HDHD2: variants seen among roughly 807,000 people sequenced by gnomAD.
HDHD2 encodes the protein haloacid dehalogenase like hydrolase domain containing 2.
In HDHD2, 26 loss-of-function variants were observed where a neutral mutation model predicts 24.8. The ratio of observed to expected loss-of-function variants is 1.05; its 90% CI spans 0.77 to 1.45. HDHD2 has a LOEUF of 1.45. Ranked by LOEUF, HDHD2 falls within the 40% of genes most tolerant of loss-of-function variation. The pLI is 0.00. For missense variants in HDHD2, 299 were observed against 313.4 expected (o/e 0.95, Z 0.35); for synonymous variants, 128 against 114.9 (o/e 1.11, Z -0.73).
intron 1 of HDHD2, chr18:47,137,242 T>A: frequency 1.7e-6 from 1 of 587,126 alleles, no homozygotes; most frequent in Non-Finnish European, 3.2e-6. Context: ...TACCTGCACA[T>A]TTGGAAATGG....
intron 4 of HDHD2, among the ~76,000 whole-genome samples, chr18:47,118,811 G>T (rs537050611): frequency 2.0e-5 from 3 of 151,636 alleles, no homozygotes; most frequent in African/African-American, 7.3e-5. Context: ...TTTTACAGAT[G>T]AGATCATCTG....
Position 47,130,304 on chromosome 18 carries a change from G to C in HDHD2, c.335C>G (p.Ala112Gly), listed in dbSNP as rs143862755. 6.2e-7 allele frequency: 1 copy of C among 1,602,302 alleles called. No homozygotes were observed. Among genetic ancestry groups the C allele is most frequent in the Admixed American group, 1.7e-5 (1 of 58,448 alleles). The change falls in exon 4 of 7, where the codon GCT (alanine) becomes GGT (glycine). Residue 112 changes from alanine to glycine, a missense_variant. Transcript: ENST00000300605. ...FKGIQTSDPN[A>G]VVMGLAPEHF... ...TTCTGGTGCCAATCCCATGACCACA[G>C]CATTAGGATCACTTGTTTGTATTCC...
rs773382880 is a variant in HDHD2, at chr18:47,136,464, A to C, written c.-10-15T>G. ...TCCTTCATTCCCTAGGAGAGAGCAAATGAAATTAAAAATACAGTTTAGGAA... is the reference window on the plus strand; with the variant it reads ...TCCTTCATTCCCTAGGAGAGAGCAACTGAAATTAAAAATACAGTTTAGGAA... On this transcript the variant is annotated splice_polypyrimidine_tract_variant and intron_variant, in intron 1 of 6. Coordinates refer to ENST00000300605, the MANE Select transcript of HDHD2 (RefSeq NM_032124.5). 1.2e-6 allele frequency: 2 copies of C among 1,605,498 alleles called. No homozygotes were observed. The highest frequency in any genetic ancestry group is 1.1e-5 in the South Asian group (1 of 89,982).
intron 6 of HDHD2, chr18:47,108,991 C>T: frequency 1.9e-6 from 1 of 532,726 alleles, no homozygotes; most frequent in South Asian, 2.7e-5. Context: ...TTTCCCCAGG[C>T]CCTCTGGTCA....
intron 1 of HDHD2, among the ~76,000 whole-genome samples, chr18:47,146,896 C>A (rs75051592): frequency 1.3e-5 from 2 of 152,064 alleles, no homozygotes; most frequent in Admixed American, 6.5e-5. Context: ...CCAAGAGGAG[C>A]GCAAAGGGAG....
chr18:47,132,559 T>C (rs2144346331), intron 3 of HDHD2, among the ~76,000 whole-genome samples: 1 of 152,374 alleles, frequency 6.6e-6, no homozygotes, highest in East Asian at 1.9e-4. Context: ...ATGCTTTTAG[T>C]AAATTTATTT....
chr18:47,129,124 A>G (rs1427460979), intron 4 of HDHD2, among the ~76,000 whole-genome samples: 3 of 152,186 alleles, frequency 2.0e-5, no homozygotes, highest in Non-Finnish European at 2.9e-5. Flanking sequence ...ATCCAAAGGT[A>G]AATTATACTG....
At chr18:47,139,867 A>G (rs754693764) in intron 1 of HDHD2, among the ~76,000 whole-genome samples, 15 of 152,172 alleles carry the variant, frequency 9.9e-5, no homozygotes, top group Non-Finnish European at 1.5e-4. Flanking sequence ...AGCAGATGAA[A>G]AACAGTTTGA....
In HDHD2 at chr18:47,110,853, G is replaced by A. The variant is rs977090997; in HGVS notation, c.677-2068C>T. The A allele has an allele frequency of 6.1e-6, 6 of 985,048 alleles. No individual in the cohort carries two copies. The South Asian group carries it at 2.8e-4, about 46-fold the overall frequency. 61.0% of individuals were successfully genotyped at this position (985,048 alleles called of 1,614,324 possible). A position where few individuals can be genotyped will look rare whatever the true frequency, so the allele number is the denominator to read the frequency against. On this transcript the variant is annotated intron_variant, in intron 6 of 6. Coordinates refer to ENST00000300605, the MANE Select transcript of HDHD2 (RefSeq NM_032124.5). ...TCACATGCTAAACAAATTCTGGTTA[G>A]GACTAGTCAAAAATCTTTAACAAAT...
intron 4 of HDHD2, among the ~76,000 whole-genome samples, chr18:47,125,177 C>CA (rs1009824130): frequency 1.2e-4 from 18 of 149,916 alleles, no homozygotes; most frequent in South Asian, 8.5e-4. Context: ...AAAATAACAA[C>CA]AAAAAAAAAC....
At chr18:47,110,062 C>T in intron 6 of HDHD2, 1 of 985,430 alleles carries the variant, frequency 1.0e-6, no homozygotes, top group Non-Finnish European at 1.2e-6. Context: ...GCTCTCTCAT[C>T]CCTTTGTGGT....
chr18:47,123,286 T>C lies in HDHD2; in HGVS notation c.395+6958A>G, dbSNP rs1363830494. 2.0e-5 allele frequency among the ~76,000 whole-genome samples: 3 copies of C among 152,136 alleles called. No homozygotes were observed. In the East Asian group the frequency reaches 5.8e-4, roughly 29 times the overall value. On this transcript the variant is annotated intron_variant, in intron 4 of 6. Transcript: ENST00000300605. Reference sequence around the variant, plus strand: ...TGTATTAGCAATAAGCAAATAAATATGAAATTTAGCAAAATACAAGGCCGG... The same window carrying C: ...TGTATTAGCAATAAGCAAATAAATACGAAATTTAGCAAAATACAAGGCCGG...
intron 1 of HDHD2, among the ~76,000 whole-genome samples, chr18:47,139,180 C>G (rs1012824699): frequency 6.6e-6 from 1 of 151,936 alleles, no homozygotes. Flanking sequence ...CTTTGTTGGC[C>G]GGGCACGGTG....
intron 3 of HDHD2, among the ~76,000 whole-genome samples, chr18:47,133,711 T>A (rs536660158): frequency 6.6e-6 from 1 of 152,270 alleles, no homozygotes; most frequent in African/African-American, 2.4e-5. Flanking sequence ...GGTTTTGATT[T>A]GCATTTCTCT....
At chr18:47,132,020 A>C (rs1031374036) in intron 3 of HDHD2, among the ~76,000 whole-genome samples, 5 of 152,196 alleles carry the variant, frequency 3.3e-5, no homozygotes, top group African/African-American at 1.2e-4. Flanking sequence ...AAAATTATGT[A>C]ATGGGGACTT....
At chr18:47,149,689 T>G (rs984118503) in intron 1 of HDHD2, among the ~76,000 whole-genome samples, 2 of 152,164 alleles carry the variant, frequency 1.3e-5, no homozygotes, top group African/African-American at 4.8e-5. Flanking sequence ...CAGTCTCTGA[T>G]AACCATCACT....
intron 6 of HDHD2, chr18:47,109,861 CAG>C (rs1168754594): frequency 7.5e-6 from 3 of 397,786 alleles, no homozygotes; most frequent in African/African-American, 4.4e-5. Flanking sequence ...TTATTTGAGA[CAG>C]GGGCTATATC....
At position 47,110,968 on chromosome 18, in the gene HDHD2, G is replaced by A. The variant is rs375373571; in HGVS notation, c.676+2009C>T. ...TGATCCACAGAAAGCACTTATTATT[G>A]AATATGAATTAAAATATTTACGGTT... On this transcript the variant is annotated intron_variant, in intron 6 of 6. Transcript: ENST00000300605. 46 of 985,120 alleles carry A rather than the reference G, an allele frequency of 4.7e-5. No individual in the cohort carries two copies. In the African/African-American group the frequency reaches 6.8e-4, roughly 15 times the overall value. 61.0% of individuals were successfully genotyped at this position (985,120 alleles called of 1,614,324 possible). A position where few individuals can be genotyped will look rare whatever the true frequency, so the allele number is the denominator to read the frequency against.
At chr18:47,123,046 T>C (rs192009492) in intron 4 of HDHD2, among the ~76,000 whole-genome samples, 1 of 152,246 alleles carries the variant, frequency 6.6e-6, no homozygotes, top group East Asian at 1.9e-4. Context: ...AGGAGTGCAC[T>C]AGGAGTCCCA....
Sources: gnomAD v4.1 joint callset for allele counts (sites outside exome capture counted in the v4.1 genomes callset) on GRCh38, gnomAD v4.1.1 for gene constraint, MANE v1.5 for transcripts, NCBI Gene and HGNC (gene_info 2026-07-23, HGNC 2026-07-21) for gene names.